USH2A: variants seen among roughly 807,000 people sequenced by gnomAD.
The protein encoded by USH2A is Usher syndrome 2A (autosomal recessive, mild).
In USH2A, 443 loss-of-function variants were observed where a neutral mutation model predicts 538.9. The observed-to-expected ratio is 0.82, with a 90% CI of 0.76 to 0.89. The LOEUF is 0.89. USH2A is among the 40% of genes least tolerant of loss of function. The pLI is 0.00. For synonymous variants in USH2A, 2,413 were observed against 2,273.5 expected (o/e 1.06, Z -1.75); for missense variants, 6,633 against 6,324.8 (o/e 1.05, Z -1.65).
chr1:216,140,765 G>C (rs453967), intron 21 of USH2A, among the ~76,000 whole-genome samples: 1 of 152,184 alleles, frequency 6.6e-6, no homozygotes, highest in African/African-American at 2.4e-5. Flanking sequence ...TCTCTTAAGA[G>C]AGGCAGGCAA....
intron 37 of USH2A, among the ~76,000 whole-genome samples, chr1:215,954,621 G>A: frequency 6.6e-6 from 1 of 151,650 alleles, no homozygotes; most frequent in Non-Finnish European, 1.5e-5. Context: ...GTTAAATGAC[G>A]AGCTAATGGG....
At chr1:215,758,999 T>C (rs1172718608) in intron 57 of USH2A, among the ~76,000 whole-genome samples, 1 of 152,248 alleles carries the variant, frequency 6.6e-6, no homozygotes, top group Non-Finnish European at 1.5e-5. Flanking sequence ...TTCTTGAAGA[T>C]TTCAGGAAAG....
chr1:216,420,299 T>C (rs1484765423), intron 2 of USH2A, among the ~76,000 whole-genome samples: 1 of 152,148 alleles, frequency 6.6e-6, no homozygotes, highest in Non-Finnish European at 1.5e-5. Context: ...ATTGATTATC[T>C]TCCTTGCTAT....
chr1:216,033,401 C>A (rs951901121), intron 32 of USH2A, among the ~76,000 whole-genome samples: 4 of 152,110 alleles, frequency 2.6e-5, no homozygotes, highest in African/African-American at 9.7e-5. Flanking sequence ...ATGTAAAGAA[C>A]TGGGGAAAGT....
intron 21 of USH2A, among the ~76,000 whole-genome samples, chr1:216,166,566 C>CT (rs1483516584): frequency 9.2e-5 from 14 of 152,000 alleles, no homozygotes; most frequent in African/African-American, 3.4e-4. Context: ...TAGGCAGTAG[C>CT]GTAGGACCAG....
chr1:215,749,837 G>T (rs1660573739), intron 58 of USH2A, among the ~76,000 whole-genome samples: 1 of 152,082 alleles, frequency 6.6e-6, no homozygotes, highest in African/African-American at 2.4e-5. Flanking sequence ...AAAGAACAAG[G>T]ATTTCGTTGG....
intron 19 of USH2A, among the ~76,000 whole-genome samples, chr1:216,192,973 C>T (rs1409525808): frequency 6.6e-6 from 1 of 151,976 alleles, no homozygotes; most frequent in Non-Finnish European, 1.5e-5. Context: ...AAACCAGAAG[C>T]AGAGAGACGT....
chr1:216,172,650 C>T (rs2034294648), intron 21 of USH2A, among the ~76,000 whole-genome samples: 1 of 151,970 alleles, frequency 6.6e-6, no homozygotes, highest in Non-Finnish European at 1.5e-5. Context: ...AAACATCTAG[C>T]TTCTAGTAAC....
In USH2A at chr1:215,927,554, A is replaced by T. The variant is rs377344012; in HGVS notation, c.7300+7062T>A. Reference sequence around the variant, plus strand: ...CTGTTTTAATCATTATTTTCAGTTAAGTGTTCAACCACCAATCACAATAGA... The same window carrying T: ...CTGTTTTAATCATTATTTTCAGTTATGTGTTCAACCACCAATCACAATAGA... On this transcript the variant is annotated intron_variant, in intron 38 of 71. Transcript: ENST00000307340. 1.1e-4 allele frequency among the ~76,000 whole-genome samples: 17 copies of T among 152,224 alleles called. 1 individual carries two copies. In the East Asian group the frequency reaches 2.9e-3, roughly 26 times the overall value.
At chr1:216,148,483 A>G (rs868101628) in intron 21 of USH2A, among the ~76,000 whole-genome samples, 3 of 151,670 alleles carry the variant, frequency 2.0e-5, no homozygotes, top group Non-Finnish European at 1.5e-5. Flanking sequence ...CCGATCATGC[A>G]CCCCTTACCA....
At chr1:216,115,656 T>A (rs546652599) in intron 21 of USH2A, among the ~76,000 whole-genome samples, 1 of 152,168 alleles carries the variant, frequency 6.6e-6, no homozygotes, top group African/African-American at 2.4e-5. Flanking sequence ...TTATACGTAC[T>A]GTATTTATTC....
intron 43 of USH2A, among the ~76,000 whole-genome samples, chr1:215,872,581 A>C (rs762956722): frequency 3.5e-4 from 53 of 152,268 alleles, no homozygotes; most frequent in Non-Finnish European, 6.3e-4. Flanking sequence ...TTCTAAGAAA[A>C]CACTAGGGGA....
At chr1:215,718,057 A>G (rs1659535846) in intron 61 of USH2A, among the ~76,000 whole-genome samples, 1 of 152,212 alleles carries the variant, frequency 6.6e-6, no homozygotes, top group Non-Finnish European at 1.5e-5. Flanking sequence ...GATAGTTGCC[A>G]TTCTGGAGAC....
intron 32 of USH2A, among the ~76,000 whole-genome samples, chr1:216,044,827 T>C (rs2030443849): frequency 6.6e-6 from 1 of 152,138 alleles, no homozygotes; most frequent in African/African-American, 2.4e-5. Flanking sequence ...CTTGTAAAAT[T>C]GGGGTGTAAA....
At chr1:215,651,287 T>C (rs903706832) in intron 64 of USH2A, among the ~76,000 whole-genome samples, 2 of 152,262 alleles carry the variant, frequency 1.3e-5, no homozygotes, top group Non-Finnish European at 2.9e-5. Context: ...ATTTGTATAA[T>C]TAAACACGAA....
intron 38 of USH2A, among the ~76,000 whole-genome samples, chr1:215,917,894 T>C (rs1292361800): frequency 2.0e-5 from 3 of 151,664 alleles, no homozygotes; most frequent in African/African-American, 4.8e-5. Context: ...GCCCAGGAGA[T>C]TGAGGCTGCA....
rs142867252 is a variant in USH2A, at chr1:216,176,746, C to A, written c.4397-1264G>T. On this transcript the variant is annotated intron_variant, in intron 20 of 71. Coordinates refer to ENST00000307340, the MANE Select transcript of USH2A (RefSeq NM_206933.4). Reference sequence around the variant, plus strand: ...TTCCCCCCAACCCCAGGTAACTACTCATCTCCGTAGTTTTGCCTTTTCCAG... The same window carrying A: ...TTCCCCCCAACCCCAGGTAACTACTAATCTCCGTAGTTTTGCCTTTTCCAG... Among the ~76,000 whole-genome samples, 202 of 152,242 alleles carry A rather than the reference C, an allele frequency of 1.3e-3. 1 individual carries two copies. The East Asian group carries it at 0.032, about 24-fold the overall frequency.
chr1:216,287,771 A>G (rs1356135520), intron 11 of USH2A, among the ~76,000 whole-genome samples: 1 of 152,190 alleles, frequency 6.6e-6, no homozygotes, highest in African/African-American at 2.4e-5. Context: ...TTCCTATACT[A>G]TATAACAAAG....
chr1:215,653,828 T>A (rs1657156658), intron 64 of USH2A, among the ~76,000 whole-genome samples: 1 of 152,204 alleles, frequency 6.6e-6, no homozygotes, highest in African/African-American at 2.4e-5. Flanking sequence ...TGATTCCCAC[T>A]GAGAAACAAT....
Sources: allele counts gnomAD v4.1 joint callset (sites outside exome capture counted in the v4.1 genomes callset), GRCh38; gene constraint gnomAD v4.1.1; transcripts MANE v1.5; gene names NCBI Gene and HGNC (gene_info 2026-07-23, HGNC 2026-07-21).